The following PEX5L variants were observed in gnomAD, a reference collection of about 807,000 sequenced individuals.
PEX5L encodes the protein PEX5-related protein.
In PEX5L, 30 loss-of-function variants were observed where a neutral mutation model predicts 84.0. The ratio of observed to expected loss-of-function variants is 0.36; its 90% CI spans 0.27 to 0.48. The LOEUF (loss-of-function observed/expected upper bound fraction) is 0.48, where lower values mean the gene tolerates loss of function less well. Ranked by LOEUF, PEX5L falls within the 20% of genes least tolerant of loss-of-function variation. PEX5L has a pLI of 0.99. For synonymous variants in PEX5L, 270 were observed against 283.1 expected (o/e 0.95, Z 0.46); for missense variants, 533 against 754.6 (o/e 0.71, Z 3.44).
Position 179,997,088 on chromosome 3 carries a change from C to A in PEX5L, c.22-25423G>T, listed in dbSNP as rs76521958. On this transcript the variant is annotated intron_variant, in intron 1 of 14. Coordinates refer to ENST00000467460, the MANE Select transcript of PEX5L (RefSeq NM_016559.3). ...CCCTTGAATGAAGGGGAGGCTGGGT[C>A]CCCCTGAGGAAGGATCCCACTACAT... 5.8e-3 allele frequency among the ~76,000 whole-genome samples: 879 copies of A among 152,254 alleles called. 8 individuals are homozygous for A. The highest frequency in any genetic ancestry group is 0.02 in the African/African-American group (841 of 41,558).
rs1413711585 is a variant in PEX5L at position 179,796,472 on chromosome 3, A to G, written c.*5356T>C. 1 of 151,592 alleles carries G rather than the reference A, an allele frequency of 6.6e-6. No individual in the cohort carries two copies. The highest frequency in any genetic ancestry group is 1.9e-4 in the East Asian group (1 of 5,178). The allele number at this position is 151,592 out of a possible 1,614,324, so 9.4% of individuals were successfully genotyped here. A position where few individuals can be genotyped will look rare whatever the true frequency, so the allele number is the denominator to read the frequency against. The stretch of plus-strand genomic sequence containing the variant: ...GTGGAAACTTCGTTCAAGGCAAAAT[A>G]CCACATGAGAGGTTGTTAAACCTCA... On this transcript the variant is annotated 3_prime_UTR_variant, in exon 15 of 15. Transcript: ENST00000467460.
intron 2 of PEX5L, among the ~76,000 whole-genome samples, chr3:179,929,695 A>G (rs1772478834): frequency 6.6e-6 from 1 of 152,150 alleles, no homozygotes; most frequent in African/African-American, 2.4e-5. Context: ...TTCCTGCCTA[A>G]TGCCCCTGCC....
rs7610053 is a variant in PEX5L at position 179,952,717 on chromosome 3, T to C, written c.93+18877A>G. On this transcript the variant is annotated intron_variant, in intron 2 of 14. Coordinates refer to ENST00000467460, the MANE Select transcript of PEX5L (RefSeq NM_016559.3). ...ATTCAATGCTATCCCCATCAAGCTA[T>C]CATTGACTTTCTTCACAGAATTAGA... 1.1e-4 allele frequency among the ~76,000 whole-genome samples: 16 copies of C among 152,062 alleles called. No homozygotes were observed. In the East Asian group the frequency reaches 2.7e-3, roughly 26 times the overall value.
At chr3:179,966,766 G>C (rs1783443280) in intron 2 of PEX5L, among the ~76,000 whole-genome samples, 2 of 152,104 alleles carry the variant, frequency 1.3e-5, no homozygotes, top group Non-Finnish European at 2.9e-5. Context: ...TTTTTCTTTA[G>C]AAAAAGATCA....
At chr3:179,947,620 G>C (rs1343240603) in intron 2 of PEX5L, among the ~76,000 whole-genome samples, 3 of 151,538 alleles carry the variant, frequency 2.0e-5, no homozygotes, top group Non-Finnish European at 4.4e-5. Flanking sequence ...AGATAGTACT[G>C]ACGCAAAGTA....
intron 1 of PEX5L, among the ~76,000 whole-genome samples, chr3:180,024,517 C>A (rs1790756529): frequency 6.9e-6 from 1 of 144,716 alleles, no homozygotes; most frequent in African/African-American, 2.6e-5. Flanking sequence ...TGCACTCCAG[C>A]CTGGGAGATG....
chr3:179,933,708 G>C (rs1291879457), intron 2 of PEX5L, among the ~76,000 whole-genome samples: 9 of 152,188 alleles, frequency 5.9e-5, no homozygotes. Context: ...AGAGAGGCAG[G>C]AGCTCCATTA....
chr3:179,895,925 T>C (rs1229598265), intron 3 of PEX5L, among the ~76,000 whole-genome samples: 1 of 152,150 alleles, frequency 6.6e-6, no homozygotes, highest in African/African-American at 2.4e-5. Context: ...ATACCAGTGA[T>C]GAAGATGAAT....
chr3:179,837,138 A>ATATC (rs1370560667), intron 8 of PEX5L, among the ~76,000 whole-genome samples: 9 of 152,122 alleles, frequency 5.9e-5, no homozygotes, highest in African/African-American at 2.2e-4. Flanking sequence ...GTTTCTTTCA[A>ATATC]TATCTGGCTA....
At chr3:179,802,069 C>T in intron 14 of PEX5L, 37 bp from the exon 15 acceptor site, 1 of 1,416,862 alleles carries the variant, frequency 7.1e-7, no homozygotes, top group Non-Finnish European at 1.0e-6. Context: ...AAATGAGTCA[C>T]ATTTCAGAGT....
intron 7 of PEX5L, among the ~76,000 whole-genome samples, chr3:179,863,957 A>G (rs1053789817): frequency 1.6e-4 from 25 of 152,040 alleles, no homozygotes; most frequent in Admixed American, 1.3e-4. Context: ...CTCTTATGAT[A>G]GTGAATAAGT....
At chr3:179,971,385 T>C (rs3774255) in intron 2 of PEX5L, among the ~76,000 whole-genome samples, 33,552 of 152,122 alleles carry the variant, frequency 0.22, 4,803 homozygotes, top group Non-Finnish European at 0.32. Flanking sequence ...CCATCATTCT[T>C]ACATACAAAA....
At chr3:180,024,627 T>A (rs1221784562) in intron 1 of PEX5L, among the ~76,000 whole-genome samples, 1 of 151,706 alleles carries the variant, frequency 6.6e-6, no homozygotes, top group Non-Finnish European at 1.5e-5. Flanking sequence ...ATGACCATTG[T>A]ATGACCATTG....
rs774806696 is a variant in PEX5L, at chr3:179,801,818, T to C, written c.*10A>G. 19 of 1,533,172 alleles carry C rather than the reference T, an allele frequency of 1.2e-5. 1 individual carries two copies. The highest frequency in any genetic ancestry group is 3.3e-5 in the Admixed American group (2 of 59,900). 95.0% of individuals were successfully genotyped at this position (1,533,172 alleles called of 1,614,324 possible). ...GATCAGGGATTATTAGTACTGGTAT[T>C]ATTCTTTCTTCAAGGATCCAAGTTG... On this transcript the variant is annotated 3_prime_UTR_variant, in exon 15 of 15. Transcript: ENST00000467460.
intron 1 of PEX5L, among the ~76,000 whole-genome samples, chr3:180,018,381 C>T (rs2110496145): frequency 6.6e-6 from 1 of 152,238 alleles, no homozygotes; most frequent in Admixed American, 6.5e-5. Context: ...AGAAATAACA[C>T]AGAATGCAAC....
At chr3:179,956,169 G>C (rs1240336675) in intron 2 of PEX5L, among the ~76,000 whole-genome samples, 1 of 152,178 alleles carries the variant, frequency 6.6e-6, no homozygotes, top group African/African-American at 2.4e-5. Context: ...GCTTAGAGAT[G>C]TGTTCAAGGT....
rs1039499004 is a variant in PEX5L, at chr3:179,796,660, T to TAAGA, written c.*5164_*5167dup. ...GTGAGTAACAAAGCTGTTACTAATG[T>TAAGA]AAGACCACATGGTCTCACTGAGCTT... On this transcript the variant is annotated 3_prime_UTR_variant, in exon 15 of 15. Transcript: ENST00000467460. The TAAGA allele has an allele frequency of 6.6e-6, 1 of 152,200 alleles. No homozygotes were observed. The allele number at this position is 152,200 out of a possible 1,614,324, so 9.4% of individuals were successfully genotyped here.
chr3:179,915,752 T>A (rs1766828018), intron 2 of PEX5L, among the ~76,000 whole-genome samples: 1 of 152,216 alleles, frequency 6.6e-6, no homozygotes, highest in Admixed American at 6.5e-5. Flanking sequence ...CCTCCAGGAA[T>A]AGAGCACTTC....
chr3:179,871,009 C>T (rs1039281275), intron 7 of PEX5L, among the ~76,000 whole-genome samples: 1 of 151,882 alleles, frequency 6.6e-6, no homozygotes. Context: ...AATGGGTCTT[C>T]ACCTGTTGGG....
Sources: gnomAD v4.1 joint callset for allele counts (sites outside exome capture counted in the v4.1 genomes callset) on GRCh38, gnomAD v4.1.1 for gene constraint, MANE v1.5 for transcripts, NCBI Gene and HGNC (gene_info 2026-07-23, HGNC 2026-07-21) for gene names.